The following PTPRD variants were observed in gnomAD, a reference collection of about 807,000 sequenced individuals.
The protein encoded by PTPRD is protein tyrosine phosphatase receptor type D, also known as receptor-type tyrosine-protein phosphatase delta.
In PTPRD, 34 loss-of-function variants were observed where a neutral mutation model predicts 214.5. The ratio of observed to expected loss-of-function variants is 0.16; its 90% CI spans 0.12 to 0.21. PTPRD has a LOEUF of 0.21. PTPRD is among the 10% of genes least tolerant of loss of function. The pLI, the probability that PTPRD is intolerant of heterozygous loss-of-function variation, is 1.00. For missense variants in PTPRD, 2,545 were observed against 2,398.7 expected (o/e 1.06, Z -1.27); for synonymous variants, 1,128 against 845.7 (o/e 1.33, Z -5.79).
intron 7 of PTPRD, among the ~76,000 whole-genome samples, chr9:9,608,676 TG>T (rs2094336182): frequency 1.3e-5 from 2 of 152,230 alleles, no homozygotes; most frequent in Admixed American, 1.3e-4. Context: ...TTATGTTTTT[TG>T]TCTCTGCACC....
At chr9:9,836,993 G>C (rs1434745735) in intron 5 of PTPRD, among the ~76,000 whole-genome samples, 4 of 152,174 alleles carry the variant, frequency 2.6e-5, no homozygotes, top group African/African-American at 7.2e-5. Flanking sequence ...ATTAATTGAA[G>C]ATAAACATAA....
At chr9:10,341,039 G>C (rs187669991) in intron 2 of PTPRD, 22 bp from the exon 3 acceptor site, 2 of 151,920 alleles carry the variant, frequency 1.3e-5, no homozygotes, top group African/African-American at 4.8e-5. Flanking sequence ...AGGACATTGG[G>C]CTAGATCCAT....
chr9:9,812,074 T>C (rs2047319699), intron 5 of PTPRD, among the ~76,000 whole-genome samples: 1 of 152,206 alleles, frequency 6.6e-6, no homozygotes, highest in African/African-American at 2.4e-5. Context: ...TACAACTCAC[T>C]GAAGGCTCAT....
At chr9:9,217,585 T>A (rs1053007619) in intron 9 of PTPRD, among the ~76,000 whole-genome samples, 9 of 152,178 alleles carry the variant, frequency 5.9e-5, no homozygotes, top group African/African-American at 2.2e-4. Context: ...CACAGCTATC[T>A]TCCTAAGACA....
At chr9:9,913,807 G>T (rs1017090724) in intron 5 of PTPRD, among the ~76,000 whole-genome samples, 1 of 152,108 alleles carries the variant, frequency 6.6e-6, no homozygotes, top group South Asian at 2.1e-4. Context: ...GGAGCACAAG[G>T]TGTGTACTCT....
intron 3 of PTPRD, among the ~76,000 whole-genome samples, chr9:10,289,381 G>A (rs1164214154): frequency 6.6e-6 from 1 of 152,118 alleles, no homozygotes; most frequent in Non-Finnish European, 1.5e-5. Flanking sequence ...TCCAGCTGAG[G>A]TGTTGGAGAT....
intron 8 of PTPRD, among the ~76,000 whole-genome samples, chr9:9,406,759 T>A (rs1044981300): frequency 2.6e-5 from 4 of 151,586 alleles, no homozygotes; most frequent in African/African-American, 4.8e-5. Flanking sequence ...AGGAGAATAT[T>A]AATGAGCAAT....
At chr9:9,840,290 T>C (rs138143969) in intron 5 of PTPRD, among the ~76,000 whole-genome samples, 1 of 152,288 alleles carries the variant, frequency 6.6e-6, no homozygotes, top group Non-Finnish European at 1.5e-5. Flanking sequence ...TGAGCCACTA[T>C]GGCTGGCCTG....
chr9:10,009,599 G>A (rs1230660070), intron 4 of PTPRD, among the ~76,000 whole-genome samples: 6 of 151,904 alleles, frequency 3.9e-5, no homozygotes, highest in Admixed American at 3.9e-4. Flanking sequence ...GCCTACCTTA[G>A]AGGCAACAGA....
chr9:9,571,377 T>C (rs1287303135), intron 8 of PTPRD, among the ~76,000 whole-genome samples: 1 of 151,378 alleles, frequency 6.6e-6, no homozygotes, highest in Non-Finnish European at 1.5e-5. Context: ...GAAGCGCATA[T>C]AACAGTATTC....
At chr9:10,499,159 G>C (rs1351492621) in intron 2 of PTPRD, among the ~76,000 whole-genome samples, 3 of 151,890 alleles carry the variant, frequency 2.0e-5, no homozygotes, top group Non-Finnish European at 4.4e-5. Context: ...AAGTATTTAA[G>C]CTGAACTGTC....
At chr9:8,513,226 G>A (rs183046016) in intron 21 of PTPRD, among the ~76,000 whole-genome samples, 18 of 151,928 alleles carry the variant, frequency 1.2e-4, no homozygotes, top group African/African-American at 3.4e-4. Flanking sequence ...TACTCAACAC[G>A]GTCAACTGTA....
At chr9:10,100,585 T>C (rs988245532) in intron 3 of PTPRD, among the ~76,000 whole-genome samples, 4 of 151,744 alleles carry the variant, frequency 2.6e-5, no homozygotes, top group East Asian at 3.9e-4. Flanking sequence ...GAGAATTTCA[T>C]AGGAGTTTTA....
At chr9:9,674,561 G>C (rs1189548222) in intron 7 of PTPRD, among the ~76,000 whole-genome samples, 1 of 151,644 alleles carries the variant, frequency 6.6e-6, no homozygotes, top group African/African-American at 2.4e-5. Context: ...TGCTATGTAA[G>C]ACACGTTCAT....
intron 10 of PTPRD, among the ~76,000 whole-genome samples, chr9:9,068,243 A>G (rs918693519): frequency 1.3e-5 from 2 of 152,068 alleles, no homozygotes; most frequent in Non-Finnish European, 2.9e-5. Context: ...TTATCCATTT[A>G]CCCATTGAAG....
intron 33 of PTPRD, chr9:8,451,977 A>C (rs2095975575): frequency 2.5e-6 from 1 of 400,528 alleles, no homozygotes; most frequent in African/African-American, 2.1e-5. Flanking sequence ...GTAGAAAAGA[A>C]AACTCTCTAA....
intron 10 of PTPRD, among the ~76,000 whole-genome samples, chr9:9,035,994 G>C (rs1471339561): frequency 3.3e-5 from 5 of 152,000 alleles, no homozygotes. Context: ...CTATTTATTT[G>C]TGTACCTATA....
At chr9:10,211,815 G>C (rs1389162714) in intron 3 of PTPRD, among the ~76,000 whole-genome samples, 2 of 151,990 alleles carry the variant, frequency 1.3e-5, no homozygotes, top group Admixed American at 6.6e-5. Flanking sequence ...AAGAAGAGAG[G>C]GGGGTGAGGG....
chr9:8,940,474 A>ATTTTTTTT (rs1467461986), intron 11 of PTPRD, among the ~76,000 whole-genome samples: 1 of 125,426 alleles, frequency 8.0e-6, no homozygotes. Context: ...GGTATTTTTA[A>ATTTTTTTT]TAGAGACAGG....
Sources: allele counts gnomAD v4.1 joint callset (sites outside exome capture counted in the v4.1 genomes callset), GRCh38; gene constraint gnomAD v4.1.1; transcripts MANE v1.5; gene names NCBI Gene and HGNC (gene_info 2026-07-23, HGNC 2026-07-21).